GREM2: variants seen among roughly 807,000 people sequenced by gnomAD.
GREM2 encodes the protein gremlin-2.
Under a neutral mutation model 14.2 loss-of-function variants are expected in GREM2, and 11 were observed. That is an observed-to-expected ratio of 0.78 (90% CI 0.49 to 1.28). The LOEUF is 1.28. GREM2 is among the 50% of genes most tolerant of loss of function. The probability of loss-of-function intolerance (pLI) is 0.00; values close to 1 mark genes in which losing one functional copy is unlikely to be tolerated. For synonymous variants in GREM2, 98 were observed against 97.6 expected, an observed-to-expected ratio of 1.00 and a Z score of -0.02; for missense variants, 210 against 218.5, an observed-to-expected ratio of 0.96 and a Z score of 0.24.
At chr1:240,548,303 A>C (rs1678778918) in intron 1 of GREM2, among the ~76,000 whole-genome samples, 1 of 151,890 alleles carries the variant, frequency 6.6e-6, no homozygotes, top group Admixed American at 6.6e-5. Context: ...TAATTAAATA[A>C]ATAAATAAAA....
chr1:240,534,796 G>T (rs1181374999), intron 1 of GREM2, among the ~76,000 whole-genome samples: 1 of 152,132 alleles, frequency 6.6e-6, no homozygotes, highest in Non-Finnish European at 1.5e-5. Flanking sequence ...AATCACCCTG[G>T]TAGGAAAAAG....
intron 1 of GREM2, among the ~76,000 whole-genome samples, chr1:240,508,538 G>C (rs867272127): frequency 6.6e-6 from 1 of 152,118 alleles, no homozygotes; most frequent in Non-Finnish European, 1.5e-5. Flanking sequence ...TAAATAAAAA[G>C]GACTTCTACT....
At chr1:240,606,484 C>T (rs1680027213) in intron 1 of GREM2, among the ~76,000 whole-genome samples, 1 of 152,176 alleles carries the variant, frequency 6.6e-6, no homozygotes, top group South Asian at 2.1e-4. Flanking sequence ...ACAAACACCA[C>T]TGTAATCATT....
intron 1 of GREM2, among the ~76,000 whole-genome samples, 167 bp from the exon 2 acceptor site, chr1:240,493,643 A>T (rs1677325748): frequency 6.6e-6 from 1 of 152,044 alleles, no homozygotes; most frequent in Non-Finnish European, 1.5e-5. Context: ...CTCCTGCCTC[A>T]GCCTCCTGTG....
chr1:240,601,684 C>G (rs1340969827), intron 1 of GREM2, among the ~76,000 whole-genome samples: 1 of 152,082 alleles, frequency 6.6e-6, no homozygotes, highest in African/African-American at 2.4e-5. Context: ...AGGCGGGCAT[C>G]TCTCCTGAGG....
At chr1:240,573,894 G>A (rs547119792) in intron 1 of GREM2, among the ~76,000 whole-genome samples, 2 of 152,132 alleles carry the variant, frequency 1.3e-5, no homozygotes, top group South Asian at 2.1e-4. Context: ...ATGAGTTAAG[G>A]GTTTCAAATA....
chr1:240,554,929 A>C (rs1286800414), intron 1 of GREM2, among the ~76,000 whole-genome samples: 1 of 152,070 alleles, frequency 6.6e-6, no homozygotes, highest in Non-Finnish European at 1.5e-5. Context: ...GGATCACCTG[A>C]GCTTAGGAGT....
At chr1:240,593,199 C>G (rs1243174531) in intron 1 of GREM2, among the ~76,000 whole-genome samples, 1 of 151,938 alleles carries the variant, frequency 6.6e-6, no homozygotes, top group African/African-American at 2.4e-5. Flanking sequence ...TCTTTAAGGC[C>G]CATCTCAAAT....
intron 1 of GREM2, among the ~76,000 whole-genome samples, chr1:240,582,031 T>G (rs1455014396): frequency 6.6e-6 from 1 of 152,232 alleles, no homozygotes; most frequent in Non-Finnish European, 1.5e-5. Flanking sequence ...AGTGTCTGAT[T>G]CAGGAAGTCT....
chr1:240,539,285 G>C (rs1298928804), intron 1 of GREM2, among the ~76,000 whole-genome samples: 2 of 152,136 alleles, frequency 1.3e-5, no homozygotes, highest in Non-Finnish European at 2.9e-5. Flanking sequence ...CTTCCTGGTG[G>C]TGACAAGTCT....
intron 1 of GREM2, among the ~76,000 whole-genome samples, chr1:240,590,046 A>C (rs1394385385): frequency 6.6e-6 from 1 of 152,152 alleles, no homozygotes; most frequent in Non-Finnish European, 1.5e-5. Flanking sequence ...GTACAGTGAG[A>C]TGGAGAAGGA....
chr1:240,494,818 G>A (rs9725830), intron 1 of GREM2, among the ~76,000 whole-genome samples: 5,101 of 152,106 alleles, frequency 0.034, 307 homozygotes, highest in African/African-American at 0.12. Flanking sequence ...GGAGAATGGC[G>A]TGAACCCGGG....
chr1:240,558,184 T>C (rs1228057503), intron 1 of GREM2, among the ~76,000 whole-genome samples: 2 of 152,082 alleles, frequency 1.3e-5, no homozygotes, highest in Non-Finnish European at 2.9e-5. Flanking sequence ...GTAGATAGCA[T>C]GCTAACGATT....
Position 240,593,825 on chromosome 1 carries a change from T to C in GREM2, c.-2+18059A>G, listed in dbSNP as rs542074738. ...CACGACCTTAGTGGCCAGACTTCAC[T>C]CTTTCTCCTTGCCGTTTCTTTGCTC... On this transcript the variant is annotated intron_variant, in intron 1 of 1. Coordinates refer to ENST00000318160, the MANE Select transcript of GREM2 (RefSeq NM_022469.4). Among the ~76,000 whole-genome samples, 5 of 152,156 alleles carry C rather than the reference T, an allele frequency of 3.3e-5. No individual in the cohort carries two copies. The East Asian group carries it at 7.8e-4, about 24-fold the overall frequency.
chr1:240,502,523 C>T (rs776426643), intron 1 of GREM2, among the ~76,000 whole-genome samples: 26 of 152,252 alleles, frequency 1.7e-4, no homozygotes, highest in African/African-American at 5.5e-4. Flanking sequence ...TTCATGCCTA[C>T]GACTTCAACT....
intron 1 of GREM2, among the ~76,000 whole-genome samples, chr1:240,493,772 C>A (rs1380241524): frequency 6.6e-6 from 1 of 152,122 alleles, no homozygotes; most frequent in East Asian, 1.9e-4. Flanking sequence ...CTCAAGCGCT[C>A]CTCTGCCTCA....
intron 1 of GREM2, among the ~76,000 whole-genome samples, chr1:240,603,922 G>A (rs1054899478): frequency 1.3e-5 from 2 of 151,558 alleles, no homozygotes; most frequent in East Asian, 1.9e-4. Flanking sequence ...AAGGAAAAGA[G>A]GTTTATTTGA....
intron 1 of GREM2, among the ~76,000 whole-genome samples, chr1:240,511,079 A>G (rs945449058): frequency 2.0e-5 from 3 of 152,346 alleles, no homozygotes; most frequent in Non-Finnish European, 2.9e-5. Flanking sequence ...TCCAGTTTTC[A>G]GTTTTACAAG....
intron 1 of GREM2, chr1:240,550,383 T>C (rs528349841): frequency 6.6e-6 from 1 of 150,640 alleles, no homozygotes; most frequent in African/African-American, 2.4e-5. Flanking sequence ...CTCAGGCGGA[T>C]TTACAGATTA....
Sources: allele counts gnomAD v4.1 joint callset (sites outside exome capture counted in the v4.1 genomes callset), GRCh38; gene constraint gnomAD v4.1.1; transcripts MANE v1.5; gene names NCBI Gene and HGNC (gene_info 2026-07-23, HGNC 2026-07-21).